The following SYNE3 variants were observed in gnomAD, a reference collection of about 807,000 sequenced individuals.
SYNE3 encodes nesprin-3.
A neutral mutation model predicts 111.2 loss-of-function variants in SYNE3; 100 were observed. That is an observed-to-expected ratio of 0.90 (90% CI 0.77 to 1.06). The LOEUF (loss-of-function observed/expected upper bound fraction) is 1.06. Among genes scored for constraint, SYNE3 ranks in the 50% least tolerant of loss-of-function variants. The pLI, the probability that SYNE3 is intolerant of heterozygous loss-of-function variation, is 0.00. For missense variants in SYNE3, 1,160 were observed against 1,240.3 expected (o/e 0.94, Z 0.97); for synonymous variants, 547 against 533.9 (o/e 1.02, Z -0.34).
At chr14:95,431,153 C>A (rs1459592328) in intron 17 of SYNE3, among the ~76,000 whole-genome samples, 5 of 152,252 alleles carry the variant, frequency 3.3e-5, no homozygotes, top group African/African-American at 1.2e-4. Context: ...ACACAGCATT[C>A]ATTCCCTTGG....
At chr14:95,479,631 G>A (rs1056990748) in intron 1 of SYNE3, among the ~76,000 whole-genome samples, 3 of 152,124 alleles carry the variant, frequency 2.0e-5, no homozygotes, top group Non-Finnish European at 4.4e-5. Flanking sequence ...TGTGGCTCTG[G>A]CCTGGTGAGG....
At chr14:95,449,663 T>G in intron 8 of SYNE3, 1 of 985,418 alleles carries the variant, frequency 1.0e-6, no homozygotes, top group South Asian at 4.7e-5. Context: ...TCAGGAGTGC[T>G]AATGCCTCCA....
At chr14:95,514,557 G>C (rs1249422375) in intron 1 of SYNE3, among the ~76,000 whole-genome samples, 9 of 152,230 alleles carry the variant, frequency 5.9e-5, no homozygotes, top group Non-Finnish European at 1.2e-4. Flanking sequence ...ACAAAATGCT[G>C]ATCAGGGCAA....
At chr14:95,459,001 T>C (rs938065227) in intron 4 of SYNE3, among the ~76,000 whole-genome samples, 2 of 152,200 alleles carry the variant, frequency 1.3e-5, no homozygotes, top group Non-Finnish European at 2.9e-5. Context: ...CTTTTGGTCT[T>C]ACAGAAAAGA....
chr14:95,451,247 GA>G (rs1887056512), intron 7 of SYNE3: 1 of 152,224 alleles, frequency 6.6e-6, no homozygotes, highest in Admixed American at 6.5e-5. Context: ...TACAAGCCTT[GA>G]AGATAAATTA....
At chr14:95,466,478 G>A (rs537934351) in intron 3 of SYNE3, among the ~76,000 whole-genome samples, 7 of 152,252 alleles carry the variant, frequency 4.6e-5, no homozygotes, top group African/African-American at 1.7e-4. Context: ...GTGAGGGTAG[G>A]AGCCAGGGGA....
intron 1 of SYNE3, among the ~76,000 whole-genome samples, chr14:95,501,320 T>C (rs1890325900): frequency 6.6e-6 from 1 of 152,230 alleles, no homozygotes; most frequent in South Asian, 2.1e-4. Context: ...ACAAAGTCCT[T>C]ACCAATCTTG....
chr14:95,465,923 A>G lies in SYNE3; in HGVS notation c.627+8T>C. The G allele has an allele frequency of 6.4e-7, 1 of 1,563,510 alleles. No individual in the cohort carries two copies. The highest frequency in any genetic ancestry group is 1.3e-5 in the African/African-American group (1 of 74,262). ...GTGAGGATGTAGCCCACTCAGCCTC[A>G]CCCTCACCTGGGCCTTGGCCTTCAC... On this transcript the variant is annotated splice_region_variant and intron_variant, in intron 4 of 17. Coordinates refer to ENST00000682763, the MANE Select transcript of SYNE3 (RefSeq NM_152592.6).
Position 95,455,567 on chromosome 14 carries a change from C to G in SYNE3, c.947G>C (p.Trp316Ser), listed in dbSNP as rs144177102. The change falls in exon 6 of 18, where the codon TGG (tryptophan) becomes TCG (serine). Residue 316 changes from tryptophan to serine, a missense_variant. Transcript: ENST00000682763. ...CCGCAGCCGCTCCTCCTCCTCCTCC[C>G]AGAGGGCGCGCAGCTTCTCCAGAAC... The part of the protein sequence containing the change: ...RKVLEKLRAL[W>S]EEEEERLRGL... The G allele has an allele frequency of 6.2e-7, 1 of 1,614,010 alleles. No individual in the cohort carries two copies. The highest frequency in any genetic ancestry group is 8.5e-7 in the Non-Finnish European group (1 of 1,180,018).
chr14:95,462,085 C>T (rs1218414490), intron 4 of SYNE3, among the ~76,000 whole-genome samples: 1 of 152,224 alleles, frequency 6.6e-6, no homozygotes, highest in African/African-American at 2.4e-5. Flanking sequence ...AAGAACATGG[C>T]ACCCTCTGGA....
chr14:95,457,085 A>G, intron 5 of SYNE3, 92 bp downstream of exon 5: 1 of 31,042 alleles, frequency 3.2e-5, no homozygotes, highest in African/African-American at 4.4e-4. Flanking sequence ...ACTCCATCTC[A>G]AAAAAAAAAA....
At chr14:95,506,078 A>T (rs10083362) in intron 1 of SYNE3, among the ~76,000 whole-genome samples, 2,323 of 152,156 alleles carry the variant, frequency 0.015, 62 homozygotes, top group East Asian at 0.072. Context: ...AAAAAAATTT[A>T]AAAAAAATGG....
intron 2 of SYNE3, among the ~76,000 whole-genome samples, chr14:95,469,584 G>A (rs1181521447): frequency 6.6e-6 from 1 of 150,522 alleles, no homozygotes; most frequent in Admixed American, 6.6e-5. Flanking sequence ...AGTGGCATAT[G>A]CCTGTAGTCC....
intron 14 of SYNE3, 179 bp downstream of exon 14, chr14:95,438,854 A>G: frequency 4.9e-6 from 4 of 810,632 alleles, no homozygotes; most frequent in Non-Finnish European, 3.9e-6. Flanking sequence ...TCCTCTGTGG[A>G]GTAGGATCAA....
At chr14:95,497,856 A>C (rs1890161702) in intron 1 of SYNE3, among the ~76,000 whole-genome samples, 1 of 152,148 alleles carries the variant, frequency 6.6e-6, no homozygotes, top group African/African-American at 2.4e-5. Context: ...AAAACTGTCA[A>C]AAAAAGATGA....
At chr14:95,505,638 G>T (rs1463291130) in intron 1 of SYNE3, among the ~76,000 whole-genome samples, 2 of 151,354 alleles carry the variant, frequency 1.3e-5, no homozygotes, top group Non-Finnish European at 2.9e-5. Flanking sequence ...TATTTTAAAA[G>T]AAGTTTTTTT....
intron 1 of SYNE3, among the ~76,000 whole-genome samples, chr14:95,481,004 C>T (rs1164091096): frequency 6.6e-6 from 1 of 152,156 alleles, no homozygotes; most frequent in Non-Finnish European, 1.5e-5. Context: ...ACCCCCGACC[C>T]CAGGCACAGC....
chr14:95,474,436 G>C (rs1888755240), intron 2 of SYNE3, among the ~76,000 whole-genome samples: 1 of 152,206 alleles, frequency 6.6e-6, no homozygotes, highest in South Asian at 2.1e-4. Flanking sequence ...CACAGCCCCA[G>C]CCCTGGCATA....
chr14:95,513,469 C>T (rs868598233), intron 1 of SYNE3, among the ~76,000 whole-genome samples: 4 of 151,972 alleles, frequency 2.6e-5, no homozygotes, highest in African/African-American at 9.7e-5. Flanking sequence ...ATGGTGTGCC[C>T]GCACCATGCC....
Sources: gnomAD v4.1 joint callset for allele counts (sites outside exome capture counted in the v4.1 genomes callset) on GRCh38, gnomAD v4.1.1 for gene constraint, MANE v1.5 for transcripts, NCBI Gene and HGNC (gene_info 2026-07-23, HGNC 2026-07-21) for gene names.